The following ADCY5 variants were observed in gnomAD, a reference collection of about 807,000 sequenced individuals.
The protein encoded by ADCY5 is adenylate cyclase 5.
In ADCY5, 30 loss-of-function variants were observed where a neutral mutation model predicts 119.7. The observed-to-expected ratio is 0.25, with a 90% CI of 0.19 to 0.34. The LOEUF is 0.34. Ranked by LOEUF, ADCY5 falls within the 10% of genes least tolerant of loss-of-function variation. ADCY5 has a pLI of 1.00. For synonymous variants in ADCY5, 753 were observed against 762.2 expected (o/e 0.99, Z 0.20); for missense variants, 1,324 against 1,775.2 (o/e 0.75, Z 4.57).
intron 1 of ADCY5, among the ~76,000 whole-genome samples, chr3:123,411,577 C>T (rs1945048264): frequency 6.6e-6 from 1 of 152,190 alleles, no homozygotes; most frequent in African/African-American, 2.4e-5. Flanking sequence ...TTCTCCTTCC[C>T]CTGCCTCTTA....
intron 1 of ADCY5, among the ~76,000 whole-genome samples, chr3:123,421,882 C>T (rs1253012706): frequency 1.3e-5 from 2 of 152,124 alleles, no homozygotes; most frequent in Non-Finnish European, 2.9e-5. Flanking sequence ...TGTGTTCAAG[C>T]GCCACAGCCA....
intron 1 of ADCY5, among the ~76,000 whole-genome samples, chr3:123,429,524 C>T (rs1945479499): frequency 6.6e-6 from 1 of 152,020 alleles, no homozygotes; most frequent in African/African-American, 2.4e-5. Flanking sequence ...GACCCACCCA[C>T]CCCCACCTGC....
intron 14 of ADCY5, among the ~76,000 whole-genome samples, chr3:123,300,834 C>A (rs1939805399): frequency 6.6e-6 from 1 of 152,224 alleles, no homozygotes; most frequent in African/African-American, 2.4e-5. Flanking sequence ...GCTGACCTCA[C>A]TTCTGGGACG....
Position 123,284,152 on chromosome 3 carries a change from G to GTC in ADCY5, c.*454_*455dup. 1 of 163,378 alleles carries GTC rather than the reference G, an allele frequency of 6.1e-6. No individual in the cohort carries two copies. The highest frequency in any genetic ancestry group is 1.8e-4 in the East Asian group (1 of 5,642). 10.1% of individuals were successfully genotyped at this position (163,378 alleles called of 1,614,324 possible). Reference sequence around the variant, plus strand: ...CCCTGCAGGTGCAGGGTGGTGGCCTGTCTGAAGTTTAAAGGCTCACATAGA... The same window carrying GTC: ...CCCTGCAGGTGCAGGGTGGTGGCCTGTCTCTGAAGTTTAAAGGCTCACATAGA... On this transcript the variant is annotated 3_prime_UTR_variant, in exon 21 of 21. Transcript: ENST00000462833.
chr3:123,350,140 T>C (rs1942765043), intron 2 of ADCY5, among the ~76,000 whole-genome samples: 1 of 152,190 alleles, frequency 6.6e-6, no homozygotes, highest in Non-Finnish European at 1.5e-5. Flanking sequence ...CCTCCGCTGC[T>C]CCTCACCCTC....
intron 1 of ADCY5, among the ~76,000 whole-genome samples, chr3:123,428,860 G>A (rs1010950381): frequency 5.3e-5 from 8 of 152,148 alleles, no homozygotes; most frequent in Admixed American, 2.0e-4. Context: ...GGAGTTCCTG[G>A]GGAATTCTTG....
rs778189853 is a variant in ADCY5, at chr3:123,286,329, C to A, written c.3657+356G>T. Among the ~76,000 whole-genome samples the A allele has an allele frequency of 2.6e-5, 4 of 152,174 alleles. No homozygotes were observed. The highest frequency in any genetic ancestry group is 5.9e-5 in the Non-Finnish European group (4 of 68,010). ...CTGCAGGCTCAATGGGTAAGACCTG[C>A]TCCCTGCAGACATCTTTGCATCCTC... On this transcript the variant is annotated intron_variant, in intron 20 of 20. Transcript: ENST00000462833. This position sits in a 1 kb window ranked among gnomAD's most constrained non-coding sequence, Gnocchi z 4.2.
At chr3:123,418,361 A>G (rs889301225) in intron 1 of ADCY5, among the ~76,000 whole-genome samples, 1 of 152,232 alleles carries the variant, frequency 6.6e-6, no homozygotes, top group African/African-American at 2.4e-5. Context: ...TTGTGTTGCT[A>G]TAACAGAATA....
In ADCY5 at chr3:123,447,726, G is replaced by A. The variant is rs1007289005; in HGVS notation, c.820C>T (p.Leu274=). 12 of 1,600,088 alleles carry A rather than the reference G, an allele frequency of 7.5e-6. No individual in the cohort carries two copies. Among genetic ancestry groups the A allele is most frequent in the Non-Finnish European group, 1.0e-5 (12 of 1,171,770 alleles). Residue 274 remains leucine, a synonymous_variant, in exon 1 of 21, where the codon CTG becomes TTG. Coordinates refer to ENST00000462833, the MANE Select transcript of ADCY5 (RefSeq NM_183357.3). Reference sequence around the variant, plus strand: ...AGGATCACGCCGACGGCGGCCGCCAGCACGGCCAGGTAGGGCAGCTGGAGC... The same window carrying A: ...AGGATCACGCCGACGGCGGCCGCCAACACGGCCAGGTAGGGCAGCTGGAGC... The part of the protein sequence containing the change: ...PPLQLPYLAV[L]AAAVGVILIM...
At chr3:123,304,815 G>A (rs1459582668) in intron 12 of ADCY5, among the ~76,000 whole-genome samples, 2 of 152,110 alleles carry the variant, frequency 1.3e-5, no homozygotes, top group Admixed American at 6.5e-5. Context: ...AAGACCCCCT[G>A]CAGCTTTGGT....
intron 1 of ADCY5, among the ~76,000 whole-genome samples, chr3:123,400,400 G>C (rs1359089587): frequency 6.6e-6 from 1 of 152,146 alleles, no homozygotes; most frequent in African/African-American, 2.4e-5. Flanking sequence ...GAAACTCTTT[G>C]ACCCACTAAT....
chr3:123,286,809 C>A lies in ADCY5; in HGVS notation c.3533G>T (p.Gly1178Val). 1 of 1,597,710 alleles carries A rather than the reference C, an allele frequency of 6.3e-7. No homozygotes were observed. The highest frequency in any genetic ancestry group is 1.1e-5 in the South Asian group (1 of 88,188). ...HSFNNFQMKI[G>V]LNIGPVVAGV... ...GGCCACCACGGGGCCGATGTTGAGC[C>A]CTGCAGGGGACAGGAATCAGCCACA... The change falls in exon 20 of 21, where the codon GGG (glycine) becomes GTG (valine). Residue 1178 changes from glycine to valine, a missense_variant and splice_region_variant. Gly to Val is a moderately radical substitution (Grantham distance 109). Around this residue, in one of 6 missense-constraint regions of ADCY5, gnomAD observed 178 missense variants for 329.6 expected, o/e 0.54. Transcript: ENST00000462833. This position sits in a 1 kb window ranked among gnomAD's most constrained non-coding sequence, Gnocchi z 4.2.
chr3:123,429,805 C>A lies in ADCY5; in HGVS notation c.1134+17607G>T, dbSNP rs896208859. On this transcript the variant is annotated intron_variant, in intron 1 of 20. Transcript: ENST00000462833. ...CCAGACTTCTCAGCTTCTGAAAAAA[C>A]CAAGACTCTGAGCAACCACACTCTG... is the stretch of plus-strand genomic sequence containing the variant. Among the ~76,000 whole-genome samples, 4 of 152,280 alleles carry A rather than the reference C, an allele frequency of 2.6e-5. No individual in the cohort carries two copies. In the South Asian group the frequency reaches 8.3e-4, roughly 32 times the overall value.
intron 5 of ADCY5, among the ~76,000 whole-genome samples, chr3:123,329,783 A>G (rs1415008398): frequency 1.3e-5 from 2 of 152,126 alleles, no homozygotes; most frequent in Admixed American, 6.5e-5. Context: ...GGGGAGACTG[A>G]GGTCACCCAT....
chr3:123,297,801 T>C (rs1939612654), intron 15 of ADCY5, among the ~76,000 whole-genome samples: 1 of 152,178 alleles, frequency 6.6e-6, no homozygotes, highest in African/African-American at 2.4e-5. Context: ...CAAGCTAAAA[T>C]GTGCTGTATG....
chr3:123,349,068 T>C (rs1485077014), intron 2 of ADCY5, among the ~76,000 whole-genome samples: 4 of 152,138 alleles, frequency 2.6e-5, no homozygotes, highest in Admixed American at 2.0e-4. Context: ...GAGGTGGCTA[T>C]ATCAGCCATT....
chr3:123,321,631 C>T (rs1941223681), intron 8 of ADCY5, among the ~76,000 whole-genome samples: 2 of 152,178 alleles, frequency 1.3e-5, no homozygotes, highest in Admixed American at 6.5e-5. Flanking sequence ...ACAGAGGATG[C>T]CCCTTCCCTG....
At chr3:123,405,833 C>T (rs575405866) in intron 1 of ADCY5, among the ~76,000 whole-genome samples, 1 of 152,050 alleles carries the variant, frequency 6.6e-6, no homozygotes, top group East Asian at 1.9e-4. Flanking sequence ...TGGGGTTTCA[C>T]GATGTTGGCC....
At chr3:123,428,227 C>A (rs1945451797) in intron 1 of ADCY5, among the ~76,000 whole-genome samples, 1 of 152,214 alleles carries the variant, frequency 6.6e-6, no homozygotes, top group Admixed American at 6.5e-5. Flanking sequence ...ATGGCACACA[C>A]AGGCAGGACC....
Sources: allele counts gnomAD v4.1 joint callset (sites outside exome capture counted in the v4.1 genomes callset), GRCh38; gene constraint gnomAD v4.1.1; regional missense constraint gnomAD v4.1.1; non-coding constraint Gnocchi (gnomAD v3.1); transcripts MANE v1.5; gene names NCBI Gene and HGNC (gene_info 2026-07-23, HGNC 2026-07-21).